The following TLK1 variants were observed in gnomAD, a reference collection of about 807,000 sequenced individuals.
The protein encoded by TLK1 is tousled like kinase 1, also known as serine/threonine-protein kinase tousled-like 1.
In TLK1, 24 loss-of-function variants were observed where a neutral mutation model predicts 105.3. The observed-to-expected ratio is 0.23, with a 90% confidence interval of 0.17 to 0.32. The LOEUF (loss-of-function observed/expected upper bound fraction) is 0.32. TLK1 is among the 10% of genes least tolerant of loss of function. The pLI is 1.00. For missense variants in TLK1, 558 were observed against 910.5 expected, an observed-to-expected ratio of 0.61 and a Z score of 4.98; for synonymous variants, 321 against 310.4, an observed-to-expected ratio of 1.03 and a Z score of -0.36.
chr2:171,170,359 A>G (rs1558979378), intron 1 of TLK1, among the ~76,000 whole-genome samples: 1 of 152,242 alleles, frequency 6.6e-6, no homozygotes, highest in Non-Finnish European at 1.5e-5. Context: ...AGATACAACA[A>G]TTCACAAAAT....
intron 1 of TLK1, among the ~76,000 whole-genome samples, chr2:171,147,808 A>T (rs1691849977): frequency 6.6e-6 from 1 of 152,058 alleles, no homozygotes; most frequent in African/African-American, 2.4e-5. Flanking sequence ...AATTGATCAC[A>T]TGTATGAGAC....
At chr2:171,174,134 T>C (rs1001434003) in intron 1 of TLK1, among the ~76,000 whole-genome samples, 1 of 152,218 alleles carries the variant, frequency 6.6e-6, no homozygotes. Context: ...TTCATCTTTT[T>C]AATCTTGTTG....
chr2:170,994,085 C>G, intron 20 of TLK1, 129 bp from the exon 21 acceptor site: 1 of 1,051,634 alleles, frequency 9.5e-7, no homozygotes, highest in Non-Finnish European at 1.3e-6. Flanking sequence ...AAGTTCAAAC[C>G]TTAAAAAAAA....
chr2:171,147,827 A>G (rs1330849841), intron 1 of TLK1, among the ~76,000 whole-genome samples: 3 of 152,034 alleles, frequency 2.0e-5, no homozygotes, highest in Non-Finnish European at 4.4e-5. Flanking sequence ...ACGCAGTTAT[A>G]CCATTTAAGC....
intron 18 of TLK1, among the ~76,000 whole-genome samples, chr2:170,998,049 T>C (rs948206425): frequency 4.7e-5 from 5 of 106,592 alleles, no homozygotes; most frequent in Admixed American, 3.7e-4. Flanking sequence ...TCTATCTTTA[T>C]CTATCTATCT....
At chr2:171,179,876 T>C (rs74929612) in intron 1 of TLK1, among the ~76,000 whole-genome samples, 6,852 of 152,116 alleles carry the variant, frequency 0.045, 440 homozygotes, top group East Asian at 0.29. Context: ...GGTGGATCAC[T>C]TGAGGTCAGG....
chr2:171,227,681 C>T (rs955418205), intron 1 of TLK1, among the ~76,000 whole-genome samples: 3 of 141,306 alleles, frequency 2.1e-5, no homozygotes, highest in Non-Finnish European at 4.5e-5. Context: ...GTCGAACAGC[C>T]AGAAAAATAT....
Position 171,160,565 on chromosome 2 carries a change from G to C in TLK1, c.-137C>G. The C allele has an allele frequency of 8.4e-7, 1 of 1,193,146 alleles. No individual in the cohort carries two copies. Among genetic ancestry groups the C allele is most frequent in the Non-Finnish European group, 1.1e-6 (1 of 881,274 alleles). The allele number at this position is 1,193,146 out of a possible 1,614,324, so 73.9% of individuals were successfully genotyped here. ...AGGGCTGGGAGGGGAGAGTCAAGGG[G>C]ATGGGGGAGGAAACCGAGAAGAGGG... On this transcript the variant is annotated 5_prime_UTR_variant, in exon 1 of 21. It adds an upstream start codon to the 5' untranslated region. Coordinates refer to ENST00000431350, the MANE Select transcript of TLK1 (RefSeq NM_012290.5). The surrounding 1 kb of genome is among the most constrained non-coding windows in gnomAD (Gnocchi z 4.4).
chr2:171,103,056 G>C (rs1689759162), intron 2 of TLK1, among the ~76,000 whole-genome samples: 3 of 152,070 alleles, frequency 2.0e-5, no homozygotes, highest in African/African-American at 4.8e-5. Context: ...TCAGCGTGAA[G>C]TGTGTTTGAG....
At chr2:171,025,920 C>T (rs1348659811) in intron 12 of TLK1, among the ~76,000 whole-genome samples, 1 of 152,094 alleles carries the variant, frequency 6.6e-6, no homozygotes, top group Non-Finnish European at 1.5e-5. Flanking sequence ...TACTACTGGC[C>T]ACTTTCTTTA....
chr2:171,226,312 T>G (rs1218700709), intron 1 of TLK1, among the ~76,000 whole-genome samples: 1 of 152,208 alleles, frequency 6.6e-6, no homozygotes, highest in Non-Finnish European at 1.5e-5. Context: ...AAATCTTGTT[T>G]GCCTTCACAT....
At chr2:171,057,626 T>C (rs192239213) in intron 5 of TLK1, among the ~76,000 whole-genome samples, 26 of 152,136 alleles carry the variant, frequency 1.7e-4, no homozygotes, top group African/African-American at 5.8e-4. Flanking sequence ...CAAGTAAACA[T>C]AAATATTTTT....
At chr2:171,015,451 C>T (rs1459869424) in intron 12 of TLK1, among the ~76,000 whole-genome samples, 1 of 145,438 alleles carries the variant, frequency 6.9e-6, no homozygotes, top group Admixed American at 6.8e-5. Context: ...CACACACACA[C>T]ACACACACAC....
chr2:171,230,252 G>A (rs1266154754), intron 1 of TLK1, among the ~76,000 whole-genome samples: 1 of 152,166 alleles, frequency 6.6e-6, no homozygotes, highest in East Asian at 1.9e-4. Context: ...CAGAAATATA[G>A]TTATAATTAA....
chr2:171,151,470 CTTTTTTT>C (rs55670860), intron 1 of TLK1, among the ~76,000 whole-genome samples: 4 of 124,266 alleles, frequency 3.2e-5, no homozygotes, highest in Admixed American at 8.4e-5. Context: ...ATATGTGTAT[CTTTTTTT>C]TTTTTTTTTT....
chr2:171,162,862 G>A (rs751670770), upstream of TLK1, among the ~76,000 whole-genome samples: 2 of 152,136 alleles, frequency 1.3e-5, no homozygotes, highest in Middle Eastern at 3.2e-3. Flanking sequence ...GTGCCATCTC[G>A]GCTCACTGCA....
intron 2 of TLK1, among the ~76,000 whole-genome samples, chr2:171,092,365 A>G (rs13389859): frequency 0.16 from 24,490 of 152,138 alleles, 3,778 homozygotes; most frequent in African/African-American, 0.4. Flanking sequence ...CACTATGACC[A>G]GCTGTAGGCA....
chr2:171,019,382 G>A (rs531948221), intron 12 of TLK1, among the ~76,000 whole-genome samples: 5 of 152,244 alleles, frequency 3.3e-5, no homozygotes, highest in Admixed American at 2.6e-4. Context: ...GGTGAATCTG[G>A]AGTATTTTGG....
intron 1 of TLK1, among the ~76,000 whole-genome samples, chr2:171,149,409 A>G (rs1330266826): frequency 6.6e-6 from 1 of 152,176 alleles, no homozygotes; most frequent in Admixed American, 6.6e-5. Flanking sequence ...GTAACTTAGT[A>G]TAATTAAGTG....
Sources: gnomAD v4.1 joint callset for allele counts (sites outside exome capture counted in the v4.1 genomes callset) on GRCh38, gnomAD v4.1.1 for gene constraint, Gnocchi (gnomAD v3.1) non-coding constraint, MANE v1.5 for transcripts, NCBI Gene and HGNC (gene_info 2026-07-23, HGNC 2026-07-21) for gene names.